INTS1: variants seen among roughly 807,000 people sequenced by gnomAD.
INTS1 encodes the protein integrator complex subunit 1.
A neutral mutation model predicts 241.6 loss-of-function variants in INTS1; 137 were observed. The ratio of observed to expected loss-of-function variants is 0.57; its 90% CI spans 0.49 to 0.65. The LOEUF is 0.65. Ranked by LOEUF, INTS1 falls within the 30% of genes least tolerant of loss-of-function variation. The pLI, the probability that INTS1 is intolerant of heterozygous loss-of-function variation, is 0.00. For missense variants in INTS1, 3,073 were observed against 3,032.2 expected (o/e 1.01, Z -0.32); for synonymous variants, 1,692 against 1,337.8 (o/e 1.26, Z -5.78).
intron 1 of INTS1, 137 bp downstream of exon 1, chr7:1,504,186 G>A (rs1342124618): frequency 3.7e-6 from 2 of 536,966 alleles, no homozygotes; most frequent in African/African-American, 2.0e-5. Flanking sequence ...CGGCTCAGTC[G>A]GGCGGCAGCA....
At position 1,482,137 on chromosome 7, in the gene INTS1, C is replaced by G. The variant is rs1466000546; in HGVS notation, c.3703+409G>C. 3 of 167,762 alleles carry G rather than the reference C, an allele frequency of 1.8e-5. No individual in the cohort carries two copies. In the Admixed American group the frequency reaches 1.9e-4, roughly 11 times the overall value. The allele number at this position is 167,762 out of a possible 1,614,324, so 10.4% of individuals were successfully genotyped here. A position where few individuals can be genotyped will look rare whatever the true frequency, so the allele number is the denominator to read the frequency against. ...TGTGAGCAGGCACCAGCCCTACTGA[C>G]CTACGTGGGCCCAGGCCCCTTGCTC... On this transcript the variant is annotated intron_variant, in intron 27 of 47. Transcript: ENST00000404767.
chr7:1,482,502 C>T (rs368668087), intron 27 of INTS1, 44 bp downstream of exon 27: 133 of 1,558,690 alleles, frequency 8.5e-5, no homozygotes, highest in Non-Finnish European at 1.1e-4. Flanking sequence ...GGGCCCGGGA[C>T]CCCTGAGTCA....
Position 1,470,943 on chromosome 7 carries a change from A to G in INTS1, c.6360T>C (p.Ala2120=). 1 of 1,567,204 alleles carries G rather than the reference A, an allele frequency of 6.4e-7. No individual in the cohort carries two copies. The highest frequency in any genetic ancestry group is 8.6e-7 in the Non-Finnish European group (1 of 1,156,960). ...SMQNSPSIAA[A]FLPTFMYCLG... ...GGCAGTACATGAACGTGGGCAGGAAAGCGGCTGCAATGCTGAAAGACCCAC... is the reference window on the plus strand; with the variant it reads ...GGCAGTACATGAACGTGGGCAGGAAGGCGGCTGCAATGCTGAAAGACCCAC... The change falls in exon 47 of 48, where the codon GCT becomes GCC. Residue 2120 remains alanine (A), a synonymous_variant. Transcript: ENST00000404767.
Position 1,497,375 on chromosome 7 carries a change from C to A in INTS1, c.1426-61G>T. The A allele has an allele frequency of 6.5e-7, 1 of 1,531,646 alleles. No individual in the cohort carries two copies. Among genetic ancestry groups the A allele is most frequent in the East Asian group, 2.3e-5 (1 of 43,392 alleles). The allele number at this position is 1,531,646 out of a possible 1,614,324, so 94.9% of individuals were successfully genotyped here. A position where few individuals can be genotyped will look rare whatever the true frequency, so the allele number is the denominator to read the frequency against. The stretch of plus-strand genomic sequence containing the variant: ...ACAGTGCTGTCCCTGTCACAGGCCC[C>A]TTCCCGCAGCACCAACAGGTATGGC... On this transcript the variant is annotated intron_variant, in intron 10 of 47. Coordinates refer to ENST00000404767, the MANE Select transcript of INTS1 (RefSeq NM_001080453.3). This position sits in a 1 kb window ranked among gnomAD's most constrained non-coding sequence, Gnocchi z 5.3.
In INTS1 at chr7:1,483,855, T is replaced by A. The variant is rs770569947; in HGVS notation, c.3430-2A>T. ...GAAGACCTGGTCCTGAGACTCCGAC[T>A]GTGGGAAAAGAGGTGGAGTCAGGCC... is the stretch of plus-strand genomic sequence containing the variant. On this transcript the variant is annotated splice_acceptor_variant, in intron 25 of 47. Coordinates refer to ENST00000404767, the MANE Select transcript of INTS1 (RefSeq NM_001080453.3). LOFTEE classifies it high-confidence loss of function. The A allele has an allele frequency of 3.1e-6, 5 of 1,607,402 alleles. No homozygotes were observed. Among genetic ancestry groups the A allele is most frequent in the Non-Finnish European group, 4.3e-6 (5 of 1,175,216 alleles).
chr7:1,492,971 C>A, intron 16 of INTS1, 39 bp downstream of exon 16: 1 of 1,531,746 alleles, frequency 6.5e-7, no homozygotes, highest in South Asian at 1.1e-5. Context: ...GGGGCGCGGG[C>A]TTACCCGGGC....
At chr7:1,474,586 AT>A in intron 40 of INTS1, 118 bp downstream of exon 40, 3 of 1,377,344 alleles carry the variant, frequency 2.2e-6, no homozygotes, top group Non-Finnish European at 1.9e-6. Context: ...AGCTCAGCCC[AT>A]GGGAACATGC....
At chr7:1,499,697 G>T (rs537416957) in intron 5 of INTS1, 65 bp from the exon 6 acceptor site, 3 of 1,526,438 alleles carry the variant, frequency 2.0e-6, no homozygotes, top group Non-Finnish European at 2.7e-6. Flanking sequence ...GGGAACACCC[G>T]CCTGCTGCCC....
chr7:1,484,635 C>G (rs6964938), intron 24 of INTS1, among the ~76,000 whole-genome samples: 2 of 152,194 alleles, frequency 1.3e-5, no homozygotes, highest in South Asian at 2.1e-4. Context: ...AGGTGCCCAG[C>G]GACCTGGGCC....
chr7:1,487,657 A>G, intron 19 of INTS1, 103 bp downstream of exon 19: 1 of 1,434,232 alleles, frequency 7.0e-7, no homozygotes, highest in Non-Finnish European at 9.6e-7. Flanking sequence ...GTTCTGCCGC[A>G]GTGCGGTCGG....
chr7:1,479,121 A>G (rs772008634), intron 31 of INTS1, among the ~76,000 whole-genome samples: 6 of 152,252 alleles, frequency 3.9e-5, no homozygotes, highest in Non-Finnish European at 7.3e-5. Context: ...ACGCGGTTCA[A>G]AGGAAAAAGT....
In INTS1 at chr7:1,476,010, G is replaced by A. The variant is rs769720372; in HGVS notation, c.5440C>T (p.Arg1814Trp). ...AGTAGGACCTCAGGCACGGGCACCC[G>A]CAGCTCCGGCCGCTGTAGGTAGAGC... ...LQLYLQRPEL[R>W]VPVPEVLLHS... Residue 1814 changes from arginine to tryptophan, a missense_variant, in exon 39 of 48, where the codon CGG becomes TGG. Arg to Trp is a moderately radical substitution (Grantham distance 101). Transcript: ENST00000404767. The A allele has an allele frequency of 5.2e-6, 8 of 1,545,680 alleles. No homozygotes were observed. The highest frequency in any genetic ancestry group is 4.9e-5 in the East Asian group (2 of 40,910).
Position 1,482,574 on chromosome 7 carries a change from A to G in INTS1, c.3675T>C (p.Arg1225=), listed in dbSNP as rs777371990. The part of the protein sequence containing the change: ...LPDWLKLRMI[R]SEVLRLVDAA... The stretch of plus-strand genomic sequence containing the variant: ...CGTCCACCAGGCGGAGCACCTCAGA[A>G]CGGATCATGCGCAGCTTCAGCCAGT... Residue 1225 remains arginine (R), a synonymous_variant, in exon 27 of 48, where the codon CGT becomes CGC. Transcript: ENST00000404767. 58 of 1,612,584 alleles carry G rather than the reference A, an allele frequency of 3.6e-5. 1 individual carries two copies. Among genetic ancestry groups the G allele is most frequent in the Non-Finnish European group, 4.7e-5 (55 of 1,179,810 alleles).
chr7:1,482,260 G>A (rs1286619237), intron 27 of INTS1: 6 of 315,990 alleles, frequency 1.9e-5, no homozygotes, highest in African/African-American at 8.5e-5. Context: ...TCCAACCCCA[G>A]ACCACTTTCT....
At chr7:1,492,534 G>C (rs541314919) in intron 16 of INTS1, among the ~76,000 whole-genome samples, 12 of 152,308 alleles carry the variant, frequency 7.9e-5, no homozygotes, top group African/African-American at 2.6e-4. Flanking sequence ...TACAACCTGT[G>C]AACATTCTGA....
At chr7:1,485,242 T>TGCGGCCCTCTCATCTTTCCCTGCC (rs1357363347) in intron 23 of INTS1, 40 bp from the exon 24 acceptor site, 1 of 1,596,780 alleles carries the variant, frequency 6.3e-7, no homozygotes, top group Admixed American at 1.7e-5. Flanking sequence ...AGGGCAGGGC[T>TGCGGCCCTCTCATCTTTCCCTGCC]GCGGCCCTCT....
chr7:1,503,034 G>C lies in INTS1; in HGVS notation c.216C>G (p.Thr72=), dbSNP rs770579961. 1.7e-5 allele frequency: 27 copies of C among 1,613,748 alleles called. No homozygotes were observed. Among genetic ancestry groups the C allele is most frequent in the Non-Finnish European group, 2.3e-5 (27 of 1,179,874 alleles). The change falls in exon 3 of 48, where the codon ACC becomes ACG. Residue 72 remains threonine, a synonymous_variant. Coordinates refer to ENST00000404767, the MANE Select transcript of INTS1 (RefSeq NM_001080453.3). The part of the protein sequence containing the change: ...AAALSSASAL[T]GLTKRPKLSS... ...AGAGTTTGGGGCGTTTGGTGAGACCGGTGAGGGCCGAGGCACTGGACAACG... is the reference window on the plus strand; with the variant it reads ...AGAGTTTGGGGCGTTTGGTGAGACCCGTGAGGGCCGAGGCACTGGACAACG...
intron 11 of INTS1, among the ~76,000 whole-genome samples, chr7:1,496,628 C>G (rs532014912): frequency 2.0e-5 from 3 of 152,140 alleles, no homozygotes; most frequent in Admixed American, 2.0e-4. Flanking sequence ...GCACCAGGGC[C>G]GGTGGCCCAC....
chr7:1,492,613 G>C lies in INTS1; in HGVS notation c.2165+397C>G, dbSNP rs191562744. Among the ~76,000 whole-genome samples, 420 of 116,994 alleles carry C rather than the reference G, an allele frequency of 3.6e-3. 2 individuals are homozygous for C. The highest frequency in any genetic ancestry group is 0.018 in the African/African-American group (400 of 22,720). 76.8% of individuals were successfully genotyped at this position (116,994 alleles called of 152,430 possible). ...CTCTCGATAAAGCCGTGAATATATA[G>C]AGCATAAACTCGTTGTGTAAAAAAT... On this transcript the variant is annotated intron_variant, in intron 16 of 47. Transcript: ENST00000404767.
Sources: allele counts gnomAD v4.1 joint callset (sites outside exome capture counted in the v4.1 genomes callset), GRCh38; gene constraint gnomAD v4.1.1; non-coding constraint Gnocchi (gnomAD v3.1); transcripts MANE v1.5; gene names NCBI Gene and HGNC (gene_info 2026-07-23, HGNC 2026-07-21).